Variants in NELL2 observed in about 807,000 individuals in gnomAD.
NELL2 encodes neural EGFL like 2.
In NELL2, 41 loss-of-function variants were observed where a neutral mutation model predicts 109.6. The observed-to-expected ratio is 0.37, with a 90% CI of 0.29 to 0.49. The LOEUF (loss-of-function observed/expected upper bound fraction) is 0.49. NELL2 is among the 20% of genes least tolerant of loss of function. The pLI is 0.98. For synonymous variants in NELL2, 355 were observed against 344.7 expected, an observed-to-expected ratio of 1.03 and a Z score of -0.33; for missense variants, 900 against 1,008.3, an observed-to-expected ratio of 0.89 and a Z score of 1.45.
At chr12:44,509,252 G>A (rs1156235085) in intron 19 of NELL2, among the ~76,000 whole-genome samples, 1 of 152,102 alleles carries the variant, frequency 6.6e-6, no homozygotes, top group African/African-American at 2.4e-5. Context: ...TGCAAAATAT[G>A]TACTAAGTCT....
At chr12:44,689,275 T>C (rs1366815408) in intron 12 of NELL2, among the ~76,000 whole-genome samples, 1 of 152,202 alleles carries the variant, frequency 6.6e-6, no homozygotes, top group Non-Finnish European at 1.5e-5. Flanking sequence ...GGAGATCTCG[T>C]CCACAAAGCT....
chr12:44,856,025 A>G (rs1450471097), intron 2 of NELL2, among the ~76,000 whole-genome samples: 1 of 152,214 alleles, frequency 6.6e-6, no homozygotes, highest in Admixed American at 6.5e-5. Flanking sequence ...CATATTTGTC[A>G]TGAACAAATG....
chr12:44,539,391 T>C (rs936094315), intron 15 of NELL2, among the ~76,000 whole-genome samples: 7 of 152,058 alleles, frequency 4.6e-5, no homozygotes, highest in Non-Finnish European at 8.8e-5. Flanking sequence ...GGGGGATGCC[T>C]TCATTGATTC....
intron 12 of NELL2, among the ~76,000 whole-genome samples, chr12:44,690,919 C>T (rs189481984): frequency 6.6e-6 from 1 of 152,196 alleles, no homozygotes; most frequent in Non-Finnish European, 1.5e-5. Flanking sequence ...ATTTAACATA[C>T]AGCTATATCA....
chr12:44,534,598 T>G (rs576120771), intron 15 of NELL2, among the ~76,000 whole-genome samples: 3 of 152,176 alleles, frequency 2.0e-5, no homozygotes, highest in Non-Finnish European at 4.4e-5. Context: ...AGATTCAGAA[T>G]GCTTTGCTCA....
At chr12:44,798,136 T>A (rs1942699022) in intron 3 of NELL2, among the ~76,000 whole-genome samples, 1 of 150,436 alleles carries the variant, frequency 6.6e-6, no homozygotes, top group Non-Finnish European at 1.5e-5. Context: ...CTAGATGGAA[T>A]GATGGAATAA....
At chr12:44,811,998 C>T (rs1250877936) in intron 3 of NELL2, among the ~76,000 whole-genome samples, 1 of 151,984 alleles carries the variant, frequency 6.6e-6, no homozygotes, top group African/African-American at 2.4e-5. Flanking sequence ...CCAAAAAAAC[C>T]CAGAAAAATA....
chr12:44,529,810 T>C (rs1941960473), intron 16 of NELL2, among the ~76,000 whole-genome samples: 1 of 152,180 alleles, frequency 6.6e-6, no homozygotes, highest in Admixed American at 6.5e-5. Flanking sequence ...AAAGTGTCAC[T>C]GGAAGGAAGA....
chr12:44,650,442 C>A (rs566583179), intron 13 of NELL2, among the ~76,000 whole-genome samples: 6 of 152,088 alleles, frequency 3.9e-5, no homozygotes, highest in African/African-American at 1.2e-4. Context: ...ATTACAGGCG[C>A]CTGCCACCAC....
At chr12:44,633,651 G>A (rs1250017668) in intron 13 of NELL2, among the ~76,000 whole-genome samples, 1 of 152,118 alleles carries the variant, frequency 6.6e-6, no homozygotes, top group Non-Finnish European at 1.5e-5. Context: ...AGAAATTAAA[G>A]ATTCTTCCAG....
chr12:44,557,994 T>C lies in NELL2; in HGVS notation c.1664-25273A>G, dbSNP rs560457888. 5.3e-4 allele frequency among the ~76,000 whole-genome samples: 80 copies of C among 152,096 alleles called. 1 individual carries two copies. The South Asian group carries it at 0.015, about 29-fold the overall frequency. On this transcript the variant is annotated intron_variant, in intron 15 of 19. Coordinates refer to ENST00000429094, the MANE Select transcript of NELL2 (RefSeq NM_001145108.2). ...CACATGGAACATGGGGGAGTACAAA[T>C]TGAAATAAGCTAAAAAGTGAATGGA...
At chr12:44,695,781 A>C (rs1478002325) in intron 12 of NELL2, among the ~76,000 whole-genome samples, 1 of 152,160 alleles carries the variant, frequency 6.6e-6, no homozygotes. Flanking sequence ...CCTAGGCAAC[A>C]CAGTGAAACC....
intron 13 of NELL2, among the ~76,000 whole-genome samples, chr12:44,628,018 A>C (rs924744048): frequency 2.6e-5 from 4 of 152,188 alleles, no homozygotes; most frequent in African/African-American, 9.7e-5. Context: ...CGTCAGCAAA[A>C]ACCAATGAAT....
chr12:44,605,391 T>TATA (rs1945362908), intron 15 of NELL2, among the ~76,000 whole-genome samples: 1 of 152,102 alleles, frequency 6.6e-6, no homozygotes. Context: ...ATATAAACAG[T>TATA]ACAACTAAAT....
At chr12:44,623,255 GTA>G (rs1450297509) in intron 13 of NELL2, among the ~76,000 whole-genome samples, 1 of 151,986 alleles carries the variant, frequency 6.6e-6, no homozygotes, top group East Asian at 1.9e-4. Flanking sequence ...TGAATATATA[GTA>G]TATATGTGTG....
intron 15 of NELL2, among the ~76,000 whole-genome samples, chr12:44,575,687 A>C (rs1267654557): frequency 6.6e-6 from 1 of 152,184 alleles, no homozygotes; most frequent in Non-Finnish European, 1.5e-5. Flanking sequence ...TAAAGCACTG[A>C]GCATAGGGTT....
intron 15 of NELL2, among the ~76,000 whole-genome samples, chr12:44,557,253 G>A (rs1856792472): frequency 6.6e-6 from 1 of 152,106 alleles, no homozygotes; most frequent in South Asian, 2.1e-4. Flanking sequence ...AAATTCTGAT[G>A]TTCTTCACCA....
intron 1 of NELL2, among the ~76,000 whole-genome samples, chr12:44,901,111 G>T (rs886443596): frequency 6.6e-6 from 1 of 152,174 alleles, no homozygotes; most frequent in Non-Finnish European, 1.5e-5. Flanking sequence ...GAATCCAGTA[G>T]CTGGTTTTTT....
intron 15 of NELL2, among the ~76,000 whole-genome samples, chr12:44,583,104 T>G (rs1313127766): frequency 6.6e-6 from 1 of 152,198 alleles, no homozygotes; most frequent in African/African-American, 2.4e-5. Flanking sequence ...TGTGGTATTC[T>G]GTTATAGCCA....
Sources: gnomAD v4.1 joint callset for allele counts (sites outside exome capture counted in the v4.1 genomes callset) on GRCh38, gnomAD v4.1.1 for gene constraint, MANE v1.5 for transcripts, NCBI Gene and HGNC (gene_info 2026-07-23, HGNC 2026-07-21) for gene names.